The following IL15 variants were observed in gnomAD, a reference collection of about 807,000 sequenced individuals.
IL15 encodes the protein interleukin-15.
A neutral mutation model predicts 19.6 loss-of-function variants in IL15; 11 were observed. The ratio of observed to expected loss-of-function variants is 0.56; its 90% CI spans 0.35 to 0.93. The LOEUF (loss-of-function observed/expected upper bound fraction) is 0.93, where lower values mean the gene tolerates loss of function less well. Ranked by LOEUF, IL15 falls within the 40% of genes least tolerant of loss-of-function variation. IL15 has a pLI of 0.01. For missense variants in IL15, 197 were observed against 186.5 expected (o/e 1.06, Z -0.33); for synonymous variants, 58 against 59.6 (o/e 0.97, Z 0.12).
chr4:141,677,122 G>C (rs188299796), intron 2 of IL15, among the ~76,000 whole-genome samples: 1 of 152,170 alleles, frequency 6.6e-6, no homozygotes, highest in Non-Finnish European at 1.5e-5. Flanking sequence ...AAGCAAAAGA[G>C]TCAGAAGTTA....
At chr4:141,654,005 C>A (rs1362173233) in intron 1 of IL15, among the ~76,000 whole-genome samples, 1 of 152,184 alleles carries the variant, frequency 6.6e-6, no homozygotes, top group Non-Finnish European at 1.5e-5. Flanking sequence ...GTTTCCTGAC[C>A]TCACATTTTC....
chr4:141,700,430 A>G (rs1394506406), intron 2 of IL15, among the ~76,000 whole-genome samples: 1 of 152,110 alleles, frequency 6.6e-6, no homozygotes, highest in Non-Finnish European at 1.5e-5. Flanking sequence ...TTTTTGTTTA[A>G]GAAGGTTTAA....
At chr4:141,702,363 C>A (rs760549987) in intron 2 of IL15, among the ~76,000 whole-genome samples, 33 of 152,174 alleles carry the variant, frequency 2.2e-4, no homozygotes, top group Admixed American at 7.9e-4. Flanking sequence ...AGACTCTGGG[C>A]TGGTGATGGA....
chr4:141,661,270 A>C (rs1727777269), intron 2 of IL15, among the ~76,000 whole-genome samples: 1 of 152,210 alleles, frequency 6.6e-6, no homozygotes, highest in Non-Finnish European at 1.5e-5. Flanking sequence ...GTCATCAGGT[A>C]AGTATTCTAA....
chr4:141,652,218 G>A (rs895801367), intron 1 of IL15, among the ~76,000 whole-genome samples: 7 of 152,164 alleles, frequency 4.6e-5, no homozygotes, highest in Admixed American at 1.3e-4. Context: ...TGAGGCCAGT[G>A]AAAGAGGAGA....
chr4:141,704,759 C>T, intron 2 of IL15: 1 of 161,516 alleles, frequency 6.2e-6, no homozygotes, highest in Non-Finnish European at 1.3e-5. Context: ...TACTCATTAT[C>T]AGTCTGTTCA....
intron 2 of IL15, among the ~76,000 whole-genome samples, chr4:141,665,147 T>C: frequency 6.6e-6 from 1 of 152,246 alleles, no homozygotes; most frequent in Non-Finnish European, 1.5e-5. Flanking sequence ...ATCCTATCAT[T>C]TTGTTTATTA....
chr4:141,724,598 T>A (rs974348913), intron 5 of IL15, among the ~76,000 whole-genome samples: 1 of 151,826 alleles, frequency 6.6e-6, no homozygotes, highest in Non-Finnish European at 1.5e-5. Context: ...GACACAAATC[T>A]CAGGAATGAA....
chr4:141,731,505 G>A, intron 7 of IL15, among the ~76,000 whole-genome samples: 1 of 152,064 alleles, frequency 6.6e-6, no homozygotes, highest in Non-Finnish European at 1.5e-5. Context: ...CACGCAACAG[G>A]TAACTCATGG....
At chr4:141,721,877 A>G in intron 4 of IL15, 47 bp from the exon 5 acceptor site, 1 of 1,484,876 alleles carries the variant, frequency 6.7e-7, no homozygotes, top group African/African-American at 1.4e-5. Flanking sequence ...ATTCATCAAG[A>G]TGAATAGGCT....
At chr4:141,683,971 A>G (rs1194866525) in intron 2 of IL15, among the ~76,000 whole-genome samples, 4 of 152,224 alleles carry the variant, frequency 2.6e-5, no homozygotes, top group African/African-American at 9.6e-5. Flanking sequence ...TAGACACAAT[A>G]TGAATACTTG....
At chr4:141,645,613 C>T (rs1184787585) in intron 1 of IL15, among the ~76,000 whole-genome samples, 1 of 152,096 alleles carries the variant, frequency 6.6e-6, no homozygotes, top group African/African-American at 2.4e-5. Context: ...ATGTCAATTA[C>T]TAATTTCCAT....
intron 2 of IL15, among the ~76,000 whole-genome samples, chr4:141,709,965 C>T (rs948790855): frequency 3.3e-5 from 5 of 151,988 alleles, no homozygotes; most frequent in African/African-American, 1.2e-4. Context: ...TTCTGTTTAC[C>T]CCAACTTATA....
At chr4:141,674,032 A>C (rs1453463696) in intron 2 of IL15, among the ~76,000 whole-genome samples, 1 of 152,214 alleles carries the variant, frequency 6.6e-6, no homozygotes, top group Non-Finnish European at 1.5e-5. Flanking sequence ...TAAAGTGTTA[A>C]ATTTGCAGAA....
intron 2 of IL15, among the ~76,000 whole-genome samples, chr4:141,660,419 G>C (rs1413848795): frequency 6.6e-6 from 1 of 152,118 alleles, no homozygotes; most frequent in Non-Finnish European, 1.5e-5. Flanking sequence ...ACTCAATTTA[G>C]TTAAAGCTTT....
At chr4:141,712,531 A>G (rs971637496) in intron 2 of IL15, among the ~76,000 whole-genome samples, 1 of 151,370 alleles carries the variant, frequency 6.6e-6, no homozygotes, top group Non-Finnish European at 1.5e-5. Flanking sequence ...TACATAAATG[A>G]ATATCCCTTG....
intron 6 of IL15, among the ~76,000 whole-genome samples, chr4:141,728,785 G>T (rs781560380): frequency 3.3e-5 from 5 of 152,188 alleles, no homozygotes; most frequent in Admixed American, 6.6e-5. Context: ...CAAAGAAATT[G>T]TCTCCCTCCT....
intron 5 of IL15, among the ~76,000 whole-genome samples, chr4:141,726,269 A>G (rs1470366116): frequency 6.6e-6 from 1 of 152,200 alleles, no homozygotes; most frequent in South Asian, 2.1e-4. Context: ...CACAGATTGG[A>G]AAGGAAAATT....
intron 4 of IL15, chr4:141,721,059 A>G: frequency 9.3e-7 from 1 of 1,076,678 alleles, no homozygotes; most frequent in Non-Finnish European, 1.4e-6. Flanking sequence ...TCTCTCTTAG[A>G]TGCAGCTAAT....
Sources: allele counts gnomAD v4.1 joint callset (sites outside exome capture counted in the v4.1 genomes callset), GRCh38; gene constraint gnomAD v4.1.1; transcripts MANE v1.5; gene names NCBI Gene and HGNC (gene_info 2026-07-23, HGNC 2026-07-21).